ZNF569: variants seen among roughly 807,000 people sequenced by gnomAD.
The protein encoded by ZNF569 is DNA-binding protein.
ZNF569 carries 38 observed loss-of-function variants against 56.3 expected under a neutral mutation model. The ratio of observed to expected loss-of-function variants is 0.68; its 90% CI spans 0.52 to 0.88. The LOEUF is 0.88. ZNF569 is among the 40% of genes least tolerant of loss of function. The probability of loss-of-function intolerance (pLI) is 0.00; values close to 1 mark genes in which losing one functional copy is unlikely to be tolerated. For synonymous variants in ZNF569, 241 were observed against 262.9 expected (o/e 0.92, Z 0.81); for missense variants, 666 against 809.2 (o/e 0.82, Z 2.15).
Position 37,411,216 on chromosome 19 carries a change from C to A in ZNF569, c.*1381G>T, listed in dbSNP as rs1262501048. On this transcript the variant is annotated 3_prime_UTR_variant, in exon 6 of 6. Coordinates refer to ENST00000316950, the MANE Select transcript of ZNF569 (RefSeq NM_152484.3). ...GATAAATATAACAACTCCCACCAAA[C>A]CTTTCCCACATCCCAAAAGGCAACC... 1 of 152,170 alleles carries A rather than the reference C, an allele frequency of 6.6e-6. No individual in the cohort carries two copies. Among genetic ancestry groups the A allele is most frequent in the Non-Finnish European group, 1.5e-5 (1 of 68,008 alleles). The allele number at this position is 152,170 out of a possible 1,614,324, so 9.4% of individuals were successfully genotyped here. A position where few individuals can be genotyped will look rare whatever the true frequency, so the allele number is the denominator to read the frequency against.
intron 3 of ZNF569, chr19:37,427,811 A>T (rs757792051): frequency 1.9e-6 from 1 of 517,700 alleles, no homozygotes; most frequent in Non-Finnish European, 3.9e-6. Context: ...GGAAGATCCA[A>T]ATAAGCCTGG....
At chr19:37,415,362 C>T (rs965859173) in intron 5 of ZNF569, among the ~76,000 whole-genome samples, 1 of 151,986 alleles carries the variant, frequency 6.6e-6, no homozygotes, top group Non-Finnish European at 1.5e-5. Context: ...TAAAACTCAA[C>T]ATCTATTTTT....
Position 37,414,411 on chromosome 19 carries a change from A to T in ZNF569, c.247T>A (p.Trp83Arg), listed in dbSNP as rs1173474162. 6.3e-7 allele frequency: 1 copy of T among 1,575,918 alleles called. No homozygotes were observed. Among genetic ancestry groups the T allele is most frequent in the African/African-American group, 1.4e-5 (1 of 72,940 alleles). ...TTTTTCTGATGCTCATCAACTCCCC[A>T]TATTTCTCCTAAAACAGATTGCAAA... ...VLRRHWQGEI[W>R]GVDEHQKNQD... Residue 83 changes from tryptophan (W) to arginine (R), a missense_variant, in exon 6 of 6, where the codon TGG becomes AGG. Coordinates refer to ENST00000316950, the MANE Select transcript of ZNF569 (RefSeq NM_152484.3).
At position 37,412,564 on chromosome 19, in the gene ZNF569, G is replaced by A. The variant is rs1186717787; in HGVS notation, c.*33C>T. The A allele has an allele frequency of 7.2e-6, 11 of 1,536,794 alleles. No individual in the cohort carries two copies. Among genetic ancestry groups the A allele is most frequent in the Non-Finnish European group, 8.7e-6 (10 of 1,145,468 alleles). Reference sequence around the variant, plus strand: ...CAATGAGGTGTTAATTCCTTCAGATGGCCTTGCCATATTCACAATATTCAT... The same window carrying A: ...CAATGAGGTGTTAATTCCTTCAGATAGCCTTGCCATATTCACAATATTCAT... On this transcript the variant is annotated 3_prime_UTR_variant, in exon 6 of 6. Coordinates refer to ENST00000316950, the MANE Select transcript of ZNF569 (RefSeq NM_152484.3).
intron 5 of ZNF569, among the ~76,000 whole-genome samples, chr19:37,422,902 T>C (rs1358816009): frequency 6.6e-6 from 1 of 152,076 alleles, no homozygotes; most frequent in African/African-American, 2.4e-5. Context: ...CCTCCAAGAA[T>C]ACCTCTCTAC....
At chr19:37,456,883 G>A (rs1196392574) in intron 2 of ZNF569, among the ~76,000 whole-genome samples, 14 of 151,318 alleles carry the variant, frequency 9.3e-5, no homozygotes, top group African/African-American at 2.4e-4. Flanking sequence ...CAGGAGAATC[G>A]CTTGAACCCA....
At chr19:37,432,628 C>T (rs2041244093) in intron 3 of ZNF569, among the ~76,000 whole-genome samples, 1 of 152,190 alleles carries the variant, frequency 6.6e-6, no homozygotes, top group Non-Finnish European at 1.5e-5. Flanking sequence ...CATCAACAAA[C>T]ATTCACAGGC....
In ZNF569 at chr19:37,465,340, G is replaced by A. The variant is rs2041813607; in HGVS notation, c.-71C>T. ...TGTTTATTATCCAGCCCACAAAAAT[G>A]TAAGTACCATGATAGTAGGGGGTTT... On this transcript the variant is annotated 5_prime_UTR_variant, in exon 2 of 6. Coordinates refer to ENST00000316950, the MANE Select transcript of ZNF569 (RefSeq NM_152484.3). The A allele has an allele frequency of 6.6e-6, 1 of 152,124 alleles. No homozygotes were observed. The highest frequency in any genetic ancestry group is 1.5e-5 in the Non-Finnish European group (1 of 68,026). The allele number at this position is 152,124 out of a possible 1,614,324, so 9.4% of individuals were successfully genotyped here.
In ZNF569 at chr19:37,413,725, T is replaced by C. The variant is rs143361188; in HGVS notation, c.933A>G (p.Gln311=). 1 of 1,613,704 alleles carries C rather than the reference T, an allele frequency of 6.2e-7. No homozygotes were observed. Among genetic ancestry groups the C allele is most frequent in the African/African-American group, 1.3e-5 (1 of 75,032 alleles). The part of the protein sequence containing the change: ...NECGKAFSQK[Q]SLIAHQKVHT... ...GAACTTTCTGATGTGCAATGAGGCTTTGCTTCTGGCTGAATGCTTTTCCAC... is the reference window on the plus strand; with the variant it reads ...GAACTTTCTGATGTGCAATGAGGCTCTGCTTCTGGCTGAATGCTTTTCCAC... Residue 311 remains glutamine (Q), a synonymous_variant, in exon 6 of 6, where the codon CAA becomes CAG. Coordinates refer to ENST00000316950, the MANE Select transcript of ZNF569 (RefSeq NM_152484.3).
chr19:37,455,020 GT>G, intron 2 of ZNF569: 2 of 557,752 alleles, frequency 3.6e-6, no homozygotes, highest in Non-Finnish European at 6.3e-6. Context: ...GTAGAAGTTT[GT>G]AGTTTCCTTG....
intron 5 of ZNF569, among the ~76,000 whole-genome samples, chr19:37,422,962 G>A (rs541507365): frequency 4.1e-4 from 62 of 152,268 alleles, no homozygotes; most frequent in African/African-American, 1.4e-3. Flanking sequence ...GCAACTGTTA[G>A]CTAAAATCAG....
At position 37,413,765 on chromosome 19, in the gene ZNF569, T is replaced by C. The variant is rs1392844787; in HGVS notation, c.893A>G (p.Tyr298Cys). ...TGCTTTTCCACACTCATTACATTCA[T>C]AAGGTTTCTCTCCAGTATGAATTTT... ...HEKIHTGEKP[Y>C]ECNECGKAFS... The change falls in exon 6 of 6, where the codon TAT becomes TGT. Residue 298 changes from tyrosine (Y) to cysteine (C), a missense_variant. Transcript: ENST00000316950. 6.2e-7 allele frequency: 1 copy of C among 1,613,700 alleles called. No individual in the cohort carries two copies. Among genetic ancestry groups the C allele is most frequent in the Non-Finnish European group, 8.5e-7 (1 of 1,179,930 alleles).
At chr19:37,418,572 G>A (rs1281861315) in intron 5 of ZNF569, among the ~76,000 whole-genome samples, 8 of 151,996 alleles carry the variant, frequency 5.3e-5, no homozygotes, top group Admixed American at 2.0e-4. Context: ...TGCAGACGAA[G>A]ATGTCAAAAA....
intron 5 of ZNF569, among the ~76,000 whole-genome samples, chr19:37,416,944 G>A (rs2040943548): frequency 6.6e-6 from 1 of 152,172 alleles, no homozygotes; most frequent in South Asian, 2.1e-4. Flanking sequence ...CTCAGAATGA[G>A]GCTTCATTTA....
At chr19:37,435,709 A>C (rs2041298156) in intron 3 of ZNF569, among the ~76,000 whole-genome samples, 1 of 152,202 alleles carries the variant, frequency 6.6e-6, no homozygotes, top group Admixed American at 6.5e-5. Context: ...CTAGCTATAG[A>C]CAAAATAGAC....
chr19:37,418,120 A>AATAATG (rs2040966591), intron 5 of ZNF569, among the ~76,000 whole-genome samples: 1 of 149,750 alleles, frequency 6.7e-6, no homozygotes, highest in African/African-American at 2.5e-5. Context: ...TAATAATAAT[A>AATAATG]ATAATAATAA....
chr19:37,433,117 G>C (rs914058825), intron 3 of ZNF569, among the ~76,000 whole-genome samples: 15 of 151,800 alleles, frequency 9.9e-5, no homozygotes, highest in African/African-American at 2.7e-4. Flanking sequence ...CGTTGCCCAA[G>C]CTGGTCTCAA....
intron 2 of ZNF569, among the ~76,000 whole-genome samples, chr19:37,449,946 T>G (rs939073208): frequency 1.3e-5 from 2 of 152,228 alleles, no homozygotes; most frequent in Non-Finnish European, 1.5e-5. Context: ...TTTTTCGCTC[T>G]CCTTCCCCCA....
At chr19:37,451,108 T>C (rs1325838242) in intron 2 of ZNF569, among the ~76,000 whole-genome samples, 1 of 152,120 alleles carries the variant, frequency 6.6e-6, no homozygotes, top group East Asian at 1.9e-4. Context: ...GGGTATAAAG[T>C]TGTGTAGATG....
Sources: gnomAD v4.1 joint callset for allele counts (sites outside exome capture counted in the v4.1 genomes callset) on GRCh38, gnomAD v4.1.1 for gene constraint, MANE v1.5 for transcripts, NCBI Gene and HGNC (gene_info 2026-07-23, HGNC 2026-07-21) for gene names.